Variants in DLC1 observed in about 807,000 individuals in gnomAD.
DLC1 encodes DLC1 Rho GTPase activating protein.
In DLC1, 54 loss-of-function variants were observed where a neutral mutation model predicts 140.3. The ratio of observed to expected loss-of-function variants is 0.38; its 90% CI spans 0.31 to 0.48. DLC1 has a LOEUF of 0.48. DLC1 is among the 20% of genes least tolerant of loss of function. The pLI is 0.96. For synonymous variants in DLC1, 986 were observed against 728.1 expected, an observed-to-expected ratio of 1.35 and a Z score of -5.70; for missense variants, 2,536 against 1,907.0, an observed-to-expected ratio of 1.33 and a Z score of -6.14.
At chr8:13,285,592 C>T (rs1010586292) in intron 5 of DLC1, among the ~76,000 whole-genome samples, 1 of 152,032 alleles carries the variant, frequency 6.6e-6, no homozygotes, top group Non-Finnish European at 1.5e-5. Context: ...TAGGGAAATG[C>T]AAATTAAAGA....
intron 1 of DLC1, among the ~76,000 whole-genome samples, chr8:13,539,475 C>G (rs1005933557): frequency 2.6e-5 from 4 of 152,124 alleles, no homozygotes; most frequent in Admixed American, 1.3e-4. Context: ...GCTGGGATTA[C>G]AGGCGTGAGC....
chr8:13,198,256 A>G (rs1001039441), intron 5 of DLC1, among the ~76,000 whole-genome samples: 1 of 152,228 alleles, frequency 6.6e-6, no homozygotes, highest in Non-Finnish European at 1.5e-5. Flanking sequence ...ATAACAGGAC[A>G]AAGAGAGGAC....
In DLC1 at chr8:13,215,440, G is replaced by T. The variant is rs149733602; in HGVS notation, c.1348+89829C>A. On this transcript the variant is annotated intron_variant, in intron 5 of 17. Coordinates refer to ENST00000276297, the MANE Select transcript of DLC1 (RefSeq NM_182643.3). ...ATCTCTACTAAAAATACAAAAATTA[G>T]CTGGGCGTGGTGGGGCACGTCTATA... Among the ~76,000 whole-genome samples the T allele has an allele frequency of 9.9e-3, 1,511 of 152,162 alleles. 12 individuals are homozygous for T. The highest frequency in any genetic ancestry group is 0.035 in the South Asian group (169 of 4,818).
At chr8:13,126,373 A>ACACACACACACC (rs1347413751) in intron 5 of DLC1, among the ~76,000 whole-genome samples, 1 of 149,448 alleles carries the variant, frequency 6.7e-6, no homozygotes, top group African/African-American at 2.5e-5. Flanking sequence ...ATCCATACAC[A>ACACACACACACC]CACACACACA....
At chr8:13,086,523 C>A (rs1300660977) in intron 16 of DLC1, 60 bp from the exon 17 acceptor site, 3 of 1,582,352 alleles carry the variant, frequency 1.9e-6, no homozygotes, top group South Asian at 1.2e-5. Flanking sequence ...AGTTTAAAAT[C>A]GTGCTTCACT....
chr8:13,281,610 G>A (rs771971146), intron 5 of DLC1, among the ~76,000 whole-genome samples: 13 of 152,096 alleles, frequency 8.5e-5, no homozygotes, highest in Non-Finnish European at 1.3e-4. Context: ...TTTACTGACA[G>A]GCCTGGTGAT....
At chr8:13,600,252 T>C (rs1223263719) in intron 1 of DLC1, among the ~76,000 whole-genome samples, 1 of 151,958 alleles carries the variant, frequency 6.6e-6, no homozygotes, top group African/African-American at 2.4e-5. Flanking sequence ...TTATTTAACT[T>C]ATAAATTATC....
chr8:13,176,108 T>C (rs1034409000), intron 5 of DLC1, among the ~76,000 whole-genome samples: 1 of 152,200 alleles, frequency 6.6e-6, no homozygotes, highest in African/African-American at 2.4e-5. Flanking sequence ...ATAAACTTCT[T>C]TTTTTATTTC....
intron 4 of DLC1, among the ~76,000 whole-genome samples, chr8:13,358,431 A>G (rs1835050531): frequency 6.6e-6 from 1 of 152,166 alleles, no homozygotes; most frequent in Non-Finnish European, 1.5e-5. Flanking sequence ...ATTTAGTCCA[A>G]AAAAAGTGCT....
intron 5 of DLC1, among the ~76,000 whole-genome samples, chr8:13,178,654 T>TC (rs1825879804): frequency 6.6e-6 from 1 of 151,510 alleles, no homozygotes; most frequent in East Asian, 1.9e-4. Flanking sequence ...GAAGAAGGTT[T>TC]TTTTTTTTGC....
chr8:13,357,250 A>G (rs1028557855), intron 4 of DLC1, among the ~76,000 whole-genome samples: 1 of 152,012 alleles, frequency 6.6e-6, no homozygotes, highest in Non-Finnish European at 1.5e-5. Context: ...CAGCCTGGGC[A>G]ACAGAGTGAG....
intron 2 of DLC1, among the ~76,000 whole-genome samples, chr8:13,414,199 T>C (rs1452655397): frequency 6.6e-6 from 1 of 152,212 alleles, no homozygotes; most frequent in Non-Finnish European, 1.5e-5. Flanking sequence ...AATTTTTTGG[T>C]ACATTCATAT....
chr8:13,324,473 C>T (rs1833257194), intron 4 of DLC1, among the ~76,000 whole-genome samples: 1 of 147,590 alleles, frequency 6.8e-6, no homozygotes, highest in African/African-American at 2.5e-5. Context: ...GAGGCTGAGG[C>T]AGGAGAATGG....
At chr8:13,378,739 G>C (rs749513895) in intron 4 of DLC1, among the ~76,000 whole-genome samples, 2 of 152,088 alleles carry the variant, frequency 1.3e-5, no homozygotes, top group East Asian at 1.9e-4. Flanking sequence ...CTTCCGTTAT[G>C]TGCCTAACTT....
chr8:13,133,193 G>A (rs1319895238), intron 5 of DLC1: 42 of 1,426,720 alleles, frequency 2.9e-5, no homozygotes, highest in Non-Finnish European at 3.7e-5. Flanking sequence ...CAGGGAGTTG[G>A]GCGAGAAGTC....
chr8:13,488,254 T>C (rs1220922700), intron 2 of DLC1, among the ~76,000 whole-genome samples: 5 of 152,232 alleles, frequency 3.3e-5, no homozygotes, highest in Non-Finnish European at 7.3e-5. Flanking sequence ...CTAATATCAT[T>C]ATTTCATAGT....
At chr8:13,190,936 G>T (rs1826716454) in intron 5 of DLC1, among the ~76,000 whole-genome samples, 1 of 151,942 alleles carries the variant, frequency 6.6e-6, no homozygotes, top group Non-Finnish European at 1.5e-5. Context: ...TTGGCCTGAG[G>T]AAAAATCTGG....
chr8:13,317,565 A>G (rs1397448367), intron 4 of DLC1, among the ~76,000 whole-genome samples: 1 of 152,180 alleles, frequency 6.6e-6, no homozygotes, highest in Non-Finnish European at 1.5e-5. Context: ...CGAAATGGCT[A>G]TGGTCAGTAT....
chr8:13,398,583 C>T (rs1486477794), intron 3 of DLC1, among the ~76,000 whole-genome samples: 3 of 106,786 alleles, frequency 2.8e-5, no homozygotes, highest in Non-Finnish European at 5.4e-5. Flanking sequence ...AGCTGGGCAA[C>T]ATAGAGAAAC....
Sources: gnomAD v4.1 joint callset for allele counts (sites outside exome capture counted in the v4.1 genomes callset) on GRCh38, gnomAD v4.1.1 for gene constraint, MANE v1.5 for transcripts, NCBI Gene and HGNC (gene_info 2026-07-23, HGNC 2026-07-21) for gene names.